Variants in PPP2R5A observed in about 807,000 individuals in gnomAD.
PPP2R5A encodes protein phosphatase 2 regulatory subunit B'alpha.
A neutral mutation model predicts 64.2 loss-of-function variants in PPP2R5A; 25 were observed. That is an observed-to-expected ratio of 0.39 (90% CI 0.28 to 0.54). The LOEUF (loss-of-function observed/expected upper bound fraction) is 0.54, where lower values mean the gene tolerates loss of function less well. Among genes scored for constraint, PPP2R5A ranks in the 20% least tolerant of loss-of-function variants. The pLI, the probability that PPP2R5A is intolerant of heterozygous loss-of-function variation, is 0.67. For synonymous variants in PPP2R5A, 198 were observed against 201.2 expected (o/e 0.98, Z 0.13); for missense variants, 425 against 576.3 (o/e 0.74, Z 2.69).
At chr1:212,337,567 G>A (rs977841288) in intron 3 of PPP2R5A, among the ~76,000 whole-genome samples, 6 of 152,064 alleles carry the variant, frequency 3.9e-5, no homozygotes, top group African/African-American at 1.2e-4. Context: ...CATGGGCTAA[G>A]AATCCAAAAT....
intron 1 of PPP2R5A, chr1:212,302,227 A>G (rs888481688): frequency 1.2e-6 from 1 of 804,346 alleles, no homozygotes; most frequent in Non-Finnish European, 1.9e-6. Flanking sequence ...AAAACTACAA[A>G]TTATCTTACT....
chr1:212,309,784 A>G (rs1658993927), intron 1 of PPP2R5A, among the ~76,000 whole-genome samples: 2 of 152,182 alleles, frequency 1.3e-5, no homozygotes, highest in South Asian at 2.1e-4. Flanking sequence ...TGGGCCACAC[A>G]TAAAATACAC....
At chr1:212,314,335 T>G (rs1324742753) in intron 1 of PPP2R5A, among the ~76,000 whole-genome samples, 1 of 152,220 alleles carries the variant, frequency 6.6e-6, no homozygotes, top group Non-Finnish European at 1.5e-5. Flanking sequence ...TGTTCTATCC[T>G]TTCTGAATCC....
intron 5 of PPP2R5A, among the ~76,000 whole-genome samples, 175 bp from the exon 6 acceptor site, chr1:212,347,171 CT>C (rs1406242703): frequency 2.0e-5 from 3 of 152,078 alleles, no homozygotes; most frequent in Non-Finnish European, 1.5e-5. Flanking sequence ...GAAACATCTT[CT>C]TTTTTAAGAT....
intron 3 of PPP2R5A, among the ~76,000 whole-genome samples, chr1:212,340,085 G>T (rs1267558314): frequency 6.6e-6 from 1 of 150,708 alleles, no homozygotes; most frequent in Non-Finnish European, 1.5e-5. Flanking sequence ...CTTGAGCCTG[G>T]GAGTTCGAGA....
chr1:212,300,807 ATATT>A (rs1558139788), intron 1 of PPP2R5A, among the ~76,000 whole-genome samples: 1 of 152,136 alleles, frequency 6.6e-6, no homozygotes, highest in African/African-American at 2.4e-5. Context: ...AAGAGTACTA[ATATT>A]TAATTTCATG....
At chr1:212,296,739 T>C (rs1435192838) in intron 1 of PPP2R5A, among the ~76,000 whole-genome samples, 8 of 152,194 alleles carry the variant, frequency 5.3e-5, no homozygotes, top group Admixed American at 5.2e-4. Context: ...ATTTATTGAA[T>C]GAAAGAATGA....
intron 8 of PPP2R5A, among the ~76,000 whole-genome samples, chr1:212,349,485 G>A (rs1436784931): frequency 1.3e-5 from 2 of 152,124 alleles, no homozygotes; most frequent in African/African-American, 2.4e-5. Context: ...TAAGATGTAC[G>A]ATGATAGGAT....
chr1:212,329,534 T>C (rs2102433007), intron 2 of PPP2R5A, among the ~76,000 whole-genome samples: 1 of 152,336 alleles, frequency 6.6e-6, no homozygotes, highest in Middle Eastern at 3.4e-3. Context: ...GGCTGGTGGC[T>C]TCCATATTGG....
At chr1:212,298,832 A>G (rs1658742791) in intron 1 of PPP2R5A, among the ~76,000 whole-genome samples, 1 of 34,532 alleles carries the variant, frequency 2.9e-5, no homozygotes, top group African/African-American at 2.9e-4. Context: ...GCGGCCGGGC[A>G]GAGGCGCCCC....
At chr1:212,316,321 T>C (rs567395434) in intron 1 of PPP2R5A, among the ~76,000 whole-genome samples, 1 of 152,296 alleles carries the variant, frequency 6.6e-6, no homozygotes, top group East Asian at 1.9e-4. Flanking sequence ...GCATGAATGA[T>C]AGGAAAGCAA....
intron 1 of PPP2R5A, among the ~76,000 whole-genome samples, chr1:212,308,006 C>A (rs1658953162): frequency 6.6e-6 from 1 of 152,116 alleles, no homozygotes; most frequent in African/African-American, 2.4e-5. Flanking sequence ...TCTGCCACCA[C>A]ACCTGGCTAA....
Position 212,358,688 on chromosome 1 carries a change from C to T in PPP2R5A, c.1229C>T (p.Thr410Ile). The T allele has an allele frequency of 3.1e-6, 5 of 1,608,306 alleles. No individual in the cohort carries two copies. Among genetic ancestry groups the T allele is most frequent in the Non-Finnish European group, 4.3e-6 (5 of 1,176,256 alleles). ...YKISKEHWNP[T>I]IVALVYNVLK... is the part of the protein sequence containing the mutation. Reference sequence around the variant, plus strand: ...GGACTGGCTCATTTTCATTTCAGGACCATTGTAGCACTGGTATACAATGTG... The same window carrying T: ...GGACTGGCTCATTTTCATTTCAGGATCATTGTAGCACTGGTATACAATGTG... Residue 410 changes from threonine (T) to isoleucine (I), a missense_variant and splice_region_variant, in exon 12 of 13, where the codon ACC becomes ATC. By Grantham distance (89) the Thr-to-Ile change is moderately conservative. Coordinates refer to ENST00000261461, the MANE Select transcript of PPP2R5A (RefSeq NM_006243.4).
intron 8 of PPP2R5A, among the ~76,000 whole-genome samples, chr1:212,351,044 C>T (rs572588668): frequency 2.7e-5 from 4 of 149,058 alleles, no homozygotes; most frequent in Non-Finnish European, 4.5e-5. Context: ...CTAGGGAGGC[C>T]GAGGCACAAG....
chr1:212,327,589 A>T (rs1659428676), intron 1 of PPP2R5A, among the ~76,000 whole-genome samples: 1 of 151,314 alleles, frequency 6.6e-6, no homozygotes, highest in Admixed American at 6.6e-5. Flanking sequence ...TAATTTTTGT[A>T]TTTTTAGTAG....
At chr1:212,351,942 C>T (rs1659888204) in intron 8 of PPP2R5A, among the ~76,000 whole-genome samples, 1 of 151,074 alleles carries the variant, frequency 6.6e-6, no homozygotes, top group Admixed American at 6.6e-5. Context: ...CTAACTTGAG[C>T]CCCAAAATAA....
At chr1:212,295,402 G>A (rs544387644) in intron 1 of PPP2R5A, among the ~76,000 whole-genome samples, 15 of 152,328 alleles carry the variant, frequency 9.8e-5, no homozygotes, top group Middle Eastern at 3.4e-3. Context: ...TGGACAGGTC[G>A]AAGTGTCCAT....
intron 1 of PPP2R5A, among the ~76,000 whole-genome samples, chr1:212,321,728 C>T (rs1659299109): frequency 6.7e-6 from 1 of 149,558 alleles, no homozygotes; most frequent in Non-Finnish European, 1.5e-5. Context: ...AGAGAGGCTC[C>T]TCACATCCCA....
intron 3 of PPP2R5A, among the ~76,000 whole-genome samples, chr1:212,338,908 T>G (rs1452231170): frequency 6.6e-6 from 1 of 152,206 alleles, no homozygotes; most frequent in Non-Finnish European, 1.5e-5. Context: ...TCAAGCATTT[T>G]TGTAAACATT....
Sources: gnomAD v4.1 joint callset for allele counts (sites outside exome capture counted in the v4.1 genomes callset) on GRCh38, gnomAD v4.1.1 for gene constraint, MANE v1.5 for transcripts, NCBI Gene and HGNC (gene_info 2026-07-23, HGNC 2026-07-21) for gene names.